Variants in MAST2 observed in about 807,000 individuals in gnomAD.
MAST2 encodes the protein microtubule associated serine/threonine kinase 2, also known as microtubule-associated serine/threonine-protein kinase 2.
Under a neutral mutation model 147.4 loss-of-function variants are expected in MAST2, and 70 were observed. The observed-to-expected ratio is 0.47, with a 90% CI of 0.39 to 0.58. The LOEUF is 0.58. Among genes scored for constraint, MAST2 ranks in the 20% least tolerant of loss-of-function variants. The pLI, the probability that MAST2 is intolerant of heterozygous loss-of-function variation, is 0.00. For synonymous variants in MAST2, 869 were observed against 896.8 expected (o/e 0.97, Z 0.55); for missense variants, 2,080 against 2,302.3 (o/e 0.90, Z 1.98).
At position 46,030,219 on chromosome 1, in the gene MAST2, G is replaced by T; in HGVS notation, c.2534G>T (p.Cys845Phe). The T allele has an allele frequency of 6.2e-7, 1 of 1,614,172 alleles. No homozygotes were observed. The highest frequency in any genetic ancestry group is 2.2e-5 in the East Asian group (1 of 44,888). Residue 845 changes from cysteine (C) to phenylalanine (F), a missense_variant, in exon 21 of 29, where the codon TGC (cysteine) becomes TTC (phenylalanine). Cys to Phe is a radical substitution (Grantham distance 205, BLOSUM62 -2). Coordinates refer to ENST00000361297, the MANE Select transcript of MAST2 (RefSeq NM_015112.3). Reference protein sequence around the residue: ...GCLEIRQFSSCSPRFNKVYSS... With the variant: ...GCLEIRQFSSFSPRFNKVYSS... ...CTTGAGATCCGCCAGTTCTCTTCCTGCTCTCCAAGGTTCAACAAGGTGTGA... is the reference window on the plus strand; with the variant it reads ...CTTGAGATCCGCCAGTTCTCTTCCTTCTCTCCAAGGTTCAACAAGGTGTGA...
At position 46,006,355 on chromosome 1, in the gene MAST2, C is replaced by A; in HGVS notation, c.862C>A (p.Arg288=). The change falls in exon 8 of 29, where the codon CGG becomes AGG. Residue 288 remains arginine, a synonymous_variant. Coordinates refer to ENST00000361297, the MANE Select transcript of MAST2 (RefSeq NM_015112.3). ...STESVPDEEG[R]QSPAMRPRSR... ...AGAGAGCGTACCAGATGAGGAAGGA[C>A]GGCAGTCCCCAGCCATGCGGCCTCG... 6.2e-7 allele frequency: 1 copy of A among 1,613,554 alleles called. No homozygotes were observed. Among genetic ancestry groups the A allele is most frequent in the Non-Finnish European group, 8.5e-7 (1 of 1,179,658 alleles).
At chr1:46,018,658 C>T (rs78113575) in intron 10 of MAST2, among the ~76,000 whole-genome samples, 17 of 152,294 alleles carry the variant, frequency 1.1e-4, no homozygotes, top group African/African-American at 3.4e-4. Context: ...TTCTGCCACA[C>T]TGACGTTAAC....
rs530337361 is a variant in MAST2 at position 45,835,480 on chromosome 1, T to C, written c.468+5899T>C. On this transcript the variant is annotated intron_variant, in intron 3 of 28. Coordinates refer to ENST00000361297, the MANE Select transcript of MAST2 (RefSeq NM_015112.3). ...CAAACTGCTATAATCTTAAACTGAATTGGGAATATTTCTAACCAGAACAAA... is the reference window on the plus strand; with the variant it reads ...CAAACTGCTATAATCTTAAACTGAACTGGGAATATTTCTAACCAGAACAAA... Among the ~76,000 whole-genome samples the C allele has an allele frequency of 6.6e-5, 10 of 152,274 alleles. No individual in the cohort carries two copies. In the South Asian group the frequency reaches 1.5e-3, roughly 22 times the overall value.
chr1:45,928,579 TTC>T (rs1491518671), intron 4 of MAST2, among the ~76,000 whole-genome samples: 2 of 151,360 alleles, frequency 1.3e-5, no homozygotes, highest in Admixed American at 1.3e-4. Context: ...TTTTTTTTTT[TTC>T]TTTTCTTTTT....
rs775212988 is a variant in MAST2, at chr1:46,023,359, G to A, written c.1571+41G>A. On this transcript the variant is annotated intron_variant, in intron 14 of 28. Transcript: ENST00000361297. The surrounding 1 kb of genome is among the most constrained non-coding windows in gnomAD (Gnocchi z 4.9). ...AGGGTGTGGCCAGGACTGAAGCCGG[G>A]TCAGCCTTTGATCTCTTCCATGTGA... The A allele has an allele frequency of 1.9e-6, 3 of 1,571,362 alleles. No individual in the cohort carries two copies. Among genetic ancestry groups the A allele is most frequent in the African/African-American group, 1.3e-5 (1 of 74,122 alleles).
At chr1:45,850,996 G>T (rs114583509) in intron 3 of MAST2, among the ~76,000 whole-genome samples, 5,040 of 152,094 alleles carry the variant, frequency 0.033, 116 homozygotes, top group Non-Finnish European at 0.05. Flanking sequence ...TTCTAGTTCT[G>T]TGAAAAATGA....
chr1:45,854,573 C>A (rs567815374), intron 3 of MAST2, among the ~76,000 whole-genome samples: 1 of 151,842 alleles, frequency 6.6e-6, no homozygotes, highest in Non-Finnish European at 1.5e-5. Context: ...TTTTTTATAT[C>A]TACAAAAAGT....
intron 3 of MAST2, among the ~76,000 whole-genome samples, chr1:45,875,316 C>T (rs1646559145): frequency 6.6e-6 from 1 of 152,074 alleles, no homozygotes. Context: ...CGTGGTGGCG[C>T]ATGCCTGTAA....
chr1:45,842,156 C>T (rs1305655646), intron 3 of MAST2, among the ~76,000 whole-genome samples: 2 of 152,092 alleles, frequency 1.3e-5, no homozygotes, highest in Admixed American at 6.5e-5. Context: ...TCCCTAAGTA[C>T]TGGGATTATA....
intron 2 of MAST2, among the ~76,000 whole-genome samples, chr1:45,827,373 T>C (rs1644825482): frequency 6.6e-6 from 1 of 152,238 alleles, no homozygotes; most frequent in Non-Finnish European, 1.5e-5. Flanking sequence ...CTCAAGTTCT[T>C]GGCAGTCTGC....
chr1:46,007,616 C>T (rs1332028243), intron 8 of MAST2, among the ~76,000 whole-genome samples: 2 of 152,152 alleles, frequency 1.3e-5, no homozygotes, highest in Non-Finnish European at 2.9e-5. Context: ...GATCATGTGT[C>T]AGGGGCAGTA....
chr1:45,845,155 T>C (rs1645390552), intron 3 of MAST2, among the ~76,000 whole-genome samples: 1 of 152,184 alleles, frequency 6.6e-6, no homozygotes, highest in South Asian at 2.1e-4. Context: ...GAAAGAGATC[T>C]TACTGAATTT....
chr1:46,035,630 G>T lies in MAST2; in HGVS notation c.4961G>T (p.Ser1654Ile), dbSNP rs1382820961. 1.2e-6 allele frequency: 2 copies of T among 1,613,842 alleles called. No individual in the cohort carries two copies. The highest frequency in any genetic ancestry group is 2.7e-5 in the African/African-American group (2 of 74,888). ...SPPSSTSGKL[S>I]MWSWKSLIEG... Reference sequence around the variant, plus strand: ...CCCAGCTCCACCTCTGGGAAGCTGAGCATGTGGTCCTGGAAATCCCTTATT... The same window carrying T: ...CCCAGCTCCACCTCTGGGAAGCTGATCATGTGGTCCTGGAAATCCCTTATT... The change falls in exon 29 of 29, where the codon AGC becomes ATC. Residue 1654 changes from serine to isoleucine, a missense_variant. Coordinates refer to ENST00000361297, the MANE Select transcript of MAST2 (RefSeq NM_015112.3). The surrounding 1 kb of genome is among the most constrained non-coding windows in gnomAD (Gnocchi z 5.5).
In MAST2 at chr1:45,893,599, T is replaced by TA. The variant is rs35793282; in HGVS notation, c.500+11219dup. On this transcript the variant is annotated intron_variant, in intron 4 of 28. Coordinates refer to ENST00000361297, the MANE Select transcript of MAST2 (RefSeq NM_015112.3). ...AAACACTTCTTCCTGTAGGATATTTTAAAAAAAAAAAAAAAGACTGAAAAC... is the reference window on the plus strand; with the variant it reads ...AAACACTTCTTCCTGTAGGATATTTTAAAAAAAAAAAAAAAAGACTGAAAAC... 2.5e-3 allele frequency among the ~76,000 whole-genome samples: 361 copies of TA among 143,558 alleles called. 2 individuals are homozygous for TA. The highest frequency in any genetic ancestry group is 0.011 in the Middle Eastern group (3 of 278). The allele number at this position is 143,558 out of a possible 152,430, so 94.2% of individuals were successfully genotyped here. A position where few individuals can be genotyped will look rare whatever the true frequency, so the allele number is the denominator to read the frequency against.
At chr1:46,028,630 A>G in intron 17 of MAST2, 138 bp from the exon 18 acceptor site, 1 of 822,372 alleles carries the variant, frequency 1.2e-6, no homozygotes, top group Non-Finnish European at 2.0e-6. Context: ...GCTTCTGTTG[A>G]TCTTGTTCAT....
chr1:46,033,428 G>A (rs1312594847), intron 26 of MAST2, among the ~76,000 whole-genome samples: 2 of 150,212 alleles, frequency 1.3e-5, no homozygotes, highest in African/African-American at 2.5e-5. Context: ...GACAGAGTGA[G>A]ACTCTGTCTT....
At chr1:45,836,537 A>G (rs1263587872) in intron 3 of MAST2, among the ~76,000 whole-genome samples, 1 of 152,156 alleles carries the variant, frequency 6.6e-6, no homozygotes, top group Non-Finnish European at 1.5e-5. Flanking sequence ...TCAAAGAGGA[A>G]AAACCCATAG....
At chr1:45,999,717 G>A in intron 6 of MAST2, among the ~76,000 whole-genome samples, 1 of 152,178 alleles carries the variant, frequency 6.6e-6, no homozygotes, top group Non-Finnish European at 1.5e-5. Context: ...CATCTTAAAT[G>A]TCACCTCCTC....
chr1:45,847,225 A>G, intron 3 of MAST2: 1 of 529,396 alleles, frequency 1.9e-6, no homozygotes, highest in Non-Finnish European at 3.9e-6. Flanking sequence ...TCAAAGCCAC[A>G]TCCTTTATAC....
Sources: gnomAD v4.1 joint callset for allele counts (sites outside exome capture counted in the v4.1 genomes callset) on GRCh38, gnomAD v4.1.1 for gene constraint, Gnocchi (gnomAD v3.1) non-coding constraint, MANE v1.5 for transcripts, NCBI Gene and HGNC (gene_info 2026-07-23, HGNC 2026-07-21) for gene names.